CCM2: variants seen among roughly 807,000 people sequenced by gnomAD.
CCM2 encodes the protein cerebral cavernous malformations 2 protein.
A neutral mutation model predicts 44.9 loss-of-function variants in CCM2; 25 were observed. The observed-to-expected ratio is 0.56, with a 90% CI of 0.41 to 0.78. CCM2 has a LOEUF of 0.78. Among genes scored for constraint, CCM2 ranks in the 30% least tolerant of loss-of-function variants. The pLI is 0.00. For synonymous variants in CCM2, 219 were observed against 241.1 expected, an observed-to-expected ratio of 0.91 and a Z score of 0.85; for missense variants, 481 against 580.6, an observed-to-expected ratio of 0.83 and a Z score of 1.76.
In CCM2 at chr7:45,035,072, C is replaced by T. The variant is rs147866664; in HGVS notation, c.31-3181C>T. 2.2e-3 allele frequency among the ~76,000 whole-genome samples: 339 copies of T among 152,088 alleles called. 2 individuals are homozygous for T. The highest frequency in any genetic ancestry group is 7.7e-3 in the African/African-American group (318 of 41,476). ...GCTGGTCTTGAATCCCTGAGCTCAACAATCTACCCACCTCGGCCTCCCAAA... is the reference window on the plus strand; with the variant it reads ...GCTGGTCTTGAATCCCTGAGCTCAATAATCTACCCACCTCGGCCTCCCAAA... On this transcript the variant is annotated intron_variant, in intron 1 of 9. Coordinates refer to ENST00000258781, the MANE Select transcript of CCM2 (RefSeq NM_031443.4).
chr7:45,064,602 C>T lies in CCM2; in HGVS notation c.428C>T (p.Ser143Phe). 6.2e-7 allele frequency: 1 copy of T among 1,614,026 alleles called. No individual in the cohort carries two copies. The highest frequency in any genetic ancestry group is 8.5e-7 in the Non-Finnish European group (1 of 1,180,048). ...CCCATCCATGACATCGCCGCCGTCT[C>T]CTATGTTCGGGATGACGCTGCACAC... ...RVPIHDIAAV[S>F]YVRDDAAHLV... The change falls in exon 4 of 10, where the codon TCC (serine) becomes TTC (phenylalanine). Residue 143 changes from serine to phenylalanine, a missense_variant. Ser to Phe is a radical substitution (Grantham distance 155, BLOSUM62 -2). Coordinates refer to ENST00000258781, the MANE Select transcript of CCM2 (RefSeq NM_031443.4).
intron 2 of CCM2, among the ~76,000 whole-genome samples, chr7:45,053,624 T>C (rs935427478): frequency 6.6e-6 from 1 of 152,174 alleles, no homozygotes; most frequent in Non-Finnish European, 1.5e-5. Flanking sequence ...GCTCCCTGGC[T>C]TCTGCTAGGG....
At chr7:45,073,651 G>A in intron 8 of CCM2, 80 bp downstream of exon 8, 1 of 1,007,976 alleles carries the variant, frequency 9.9e-7, no homozygotes, top group Non-Finnish European at 1.5e-6. Flanking sequence ...GGAGGAGGAG[G>A]AGGAGCAGTG....
At chr7:45,005,542 C>T (rs1795810369) in intron 1 of CCM2, among the ~76,000 whole-genome samples, 3 of 37,002 alleles carry the variant, frequency 8.1e-5, no homozygotes, top group Admixed American at 2.1e-4. Flanking sequence ...GTGCCCCCTC[C>T]TTGTTGTCAC....
At chr7:45,003,674 G>A (rs1354354865) in intron 1 of CCM2, among the ~76,000 whole-genome samples, 1 of 150,844 alleles carries the variant, frequency 6.6e-6, no homozygotes, top group Non-Finnish European at 1.5e-5. Context: ...GTTGCAGTGA[G>A]CTGAGATCAT....
chr7:45,071,898 C>G, intron 6 of CCM2: 1 of 456,318 alleles, frequency 2.2e-6, no homozygotes, highest in Non-Finnish European at 4.4e-6. Context: ...TCCTTTACTC[C>G]CCTTTGAAAT....
In CCM2 at chr7:45,073,441, A is replaced by G; in HGVS notation, c.804-19A>G. On this transcript the variant is annotated intron_variant, in intron 7 of 9. Coordinates refer to ENST00000258781, the MANE Select transcript of CCM2 (RefSeq NM_031443.4). Reference sequence around the variant, plus strand: ...AGGGTCGGGGAAGCCACCCGCTCACATACCACATTCTTTCGCAGCTGCTTC... The same window carrying G: ...AGGGTCGGGGAAGCCACCCGCTCACGTACCACATTCTTTCGCAGCTGCTTC... 2 of 1,598,080 alleles carry G rather than the reference A, an allele frequency of 1.3e-6. No homozygotes were observed. The highest frequency in any genetic ancestry group is 1.7e-5 in the Admixed American group (1 of 59,982).
At chr7:45,025,864 A>G (rs1024510615) in intron 1 of CCM2, among the ~76,000 whole-genome samples, 21 of 151,744 alleles carry the variant, frequency 1.4e-4, no homozygotes, top group African/African-American at 4.8e-4. Flanking sequence ...ATCTAGTCTT[A>G]TTTTATGGAT....
intron 1 of CCM2, among the ~76,000 whole-genome samples, chr7:45,023,202 A>G (rs184425963): frequency 8.5e-5 from 13 of 152,230 alleles, no homozygotes; most frequent in Admixed American, 2.0e-4. Context: ...GCTCCCACTT[A>G]TAAGTGAGAG....
intron 6 of CCM2, chr7:45,070,195 A>T: frequency 1.7e-6 from 1 of 571,464 alleles, no homozygotes; most frequent in South Asian, 2.0e-5. Context: ...CCTGGAATAA[A>T]TTTGGGGTCT....
At chr7:45,068,283 A>T (rs1352808090) in intron 4 of CCM2, 160 bp from the exon 5 acceptor site, 21 of 859,344 alleles carry the variant, frequency 2.4e-5, no homozygotes, top group Non-Finnish European at 7.6e-6. Flanking sequence ...AGAGAAGCGA[A>T]GTGTGTCTGG....
chr7:45,044,393 C>T (rs1239328312), intron 2 of CCM2, among the ~76,000 whole-genome samples: 6 of 152,208 alleles, frequency 3.9e-5, no homozygotes, highest in Non-Finnish European at 7.3e-5. Context: ...GCCTCGGCCT[C>T]CAAAGGTGCT....
At chr7:45,074,510 G>T in intron 9 of CCM2, 102 bp downstream of exon 9, 1 of 905,630 alleles carries the variant, frequency 1.1e-6, no homozygotes, top group South Asian at 1.4e-5. Context: ...GTGCAGCAGG[G>T]GCTCCATCAG....
rs556953955 is a variant in CCM2 at position 45,074,380 on chromosome 7, C to T, written c.1026C>T (p.Tyr342=). 25 of 1,613,384 alleles carry T rather than the reference C, an allele frequency of 1.5e-5. No individual in the cohort carries two copies. The highest frequency in any genetic ancestry group is 2.2e-5 in the East Asian group (1 of 44,880). The change falls in exon 9 of 10, where the codon TAC becomes TAT. Residue 342 remains tyrosine (Y), a synonymous_variant. Coordinates refer to ENST00000258781, the MANE Select transcript of CCM2 (RefSeq NM_031443.4). Reference sequence around the variant, plus strand: ...TCTGCATCAACCTGCGGCAGCTCTACGGGGACAGCCGCAAGTTCCTGCTGC... The same window carrying T: ...TCTGCATCAACCTGCGGCAGCTCTATGGGGACAGCCGCAAGTTCCTGCTGC... ...HEFCINLRQL[Y]GDSRKFLLLG... is the part of the protein sequence containing the mutation.
At chr7:45,013,865 G>C (rs1036889485) in intron 1 of CCM2, among the ~76,000 whole-genome samples, 2 of 152,258 alleles carry the variant, frequency 1.3e-5, no homozygotes, top group African/African-American at 4.8e-5. Flanking sequence ...TTTTTGATAG[G>C]ACTGCCACAC....
At chr7:45,072,873 A>T (rs1009867355) in intron 7 of CCM2, 90 bp downstream of exon 7, 1 of 1,078,642 alleles carries the variant, frequency 9.3e-7, no homozygotes, top group African/African-American at 1.6e-5. Flanking sequence ...CAGCTCCCCC[A>T]TCTCAGCTCA....
At position 45,038,340 on chromosome 7, in the gene CCM2, C is replaced by T. The variant is rs755950481; in HGVS notation, c.118C>T (p.Arg40Cys). 9.1e-5 allele frequency: 147 copies of T among 1,613,952 alleles called. No homozygotes were observed. The highest frequency in any genetic ancestry group is 1.2e-4 in the Non-Finnish European group (142 of 1,179,978). Residue 40 changes from arginine (R) to cysteine (C), a missense_variant, in exon 2 of 10, where the codon CGC (arginine) becomes TGC (cysteine). Arg to Cys is a radical substitution (Grantham distance 180). Coordinates refer to ENST00000258781, the MANE Select transcript of CCM2 (RefSeq NM_031443.4). ...AGCCCATGAGAAGGTGACAGAGAGG[C>T]GCCCTCTGCACACTGTGGTGTTGTC... is the stretch of plus-strand genomic sequence containing the variant. Reference protein sequence around the residue: ...KKAHEKVTERRPLHTVVLSLP... With the variant: ...KKAHEKVTERCPLHTVVLSLP...
At chr7:45,004,625 G>C (rs1366267954) in intron 1 of CCM2, among the ~76,000 whole-genome samples, 1 of 152,208 alleles carries the variant, frequency 6.6e-6, no homozygotes, top group East Asian at 1.9e-4. Flanking sequence ...AGACATAAAT[G>C]TGTGTGTCTG....
intron 1 of CCM2, among the ~76,000 whole-genome samples, chr7:45,001,319 T>C (rs1381887037): frequency 6.6e-6 from 1 of 152,258 alleles, no homozygotes; most frequent in Non-Finnish European, 1.5e-5. Flanking sequence ...CATTGTTTCA[T>C]GTTAGCACCA....
Sources: allele counts gnomAD v4.1 joint callset (sites outside exome capture counted in the v4.1 genomes callset), GRCh38; gene constraint gnomAD v4.1.1; transcripts MANE v1.5; gene names NCBI Gene and HGNC (gene_info 2026-07-23, HGNC 2026-07-21).